VPS41: variants seen among roughly 807,000 people sequenced by gnomAD.
VPS41 encodes VPS41 subunit of HOPS complex.
In VPS41, 85 loss-of-function variants were observed where a neutral mutation model predicts 130.9. The observed-to-expected ratio is 0.65, with a 90% confidence interval of 0.55 to 0.78. The LOEUF (loss-of-function observed/expected upper bound fraction) is 0.78, where lower values mean the gene tolerates loss of function less well. VPS41 is among the 30% of genes least tolerant of loss of function. The pLI is 0.00. For missense variants in VPS41, 874 were observed against 1,018.7 expected, an observed-to-expected ratio of 0.86 and a Z score of 1.93; for synonymous variants, 335 against 332.9, an observed-to-expected ratio of 1.01 and a Z score of -0.07.
intron 23 of VPS41, among the ~76,000 whole-genome samples, chr7:38,744,991 T>C (rs1157386279): frequency 2.0e-5 from 3 of 152,300 alleles, no homozygotes; most frequent in East Asian, 1.9e-4. Flanking sequence ...ACAACCCACA[T>C]TGTTGTCATG....
chr7:38,862,668 T>G, intron 3 of VPS41, 46 bp from the exon 4 acceptor site: 2 of 1,167,274 alleles, frequency 1.7e-6, no homozygotes, highest in African/African-American at 1.5e-5. Context: ...ATAATACTAT[T>G]AATACACAAG....
chr7:38,900,125 C>T (rs992545327), intron 1 of VPS41, among the ~76,000 whole-genome samples: 1 of 152,096 alleles, frequency 6.6e-6, no homozygotes, highest in Non-Finnish European at 1.5e-5. Context: ...GTGGCATGCA[C>T]CTGTAGTCCC....
At chr7:38,761,146 TTC>T (rs1252537210) in intron 17 of VPS41, among the ~76,000 whole-genome samples, 4 of 151,986 alleles carry the variant, frequency 2.6e-5, no homozygotes, top group Non-Finnish European at 4.4e-5. Flanking sequence ...CTTTTCTTCC[TTC>T]TCTGTTTCCC....
chr7:38,789,172 C>G (rs1313629188), intron 10 of VPS41, among the ~76,000 whole-genome samples: 1 of 152,100 alleles, frequency 6.6e-6, no homozygotes, highest in Non-Finnish European at 1.5e-5. Flanking sequence ...AGTATTGTGC[C>G]AGGTCCTCAA....
rs562035640 is a variant in VPS41, at chr7:38,886,297, A to G, written c.60+11794T>C. Among the ~76,000 whole-genome samples, 100 of 152,296 alleles carry G rather than the reference A, an allele frequency of 6.6e-4. 1 individual carries two copies. In the Middle Eastern group the frequency reaches 0.01, roughly 16 times the overall value. On this transcript the variant is annotated intron_variant, in intron 2 of 28. Transcript: ENST00000310301. ...TGGAGGAACGGTATACTCCTGCCCA[A>G]ATACTGTGCTTTTCCCACGGTCTTT...
chr7:38,743,732 C>T (rs553842611), intron 23 of VPS41, among the ~76,000 whole-genome samples, 190 bp from the exon 24 acceptor site: 1 of 152,124 alleles, frequency 6.6e-6, no homozygotes, highest in Non-Finnish European at 1.5e-5. Flanking sequence ...GATATTTACT[C>T]TGTACTGAGT....
intron 3 of VPS41, among the ~76,000 whole-genome samples, chr7:38,864,484 T>C (rs971084718): frequency 3.9e-5 from 6 of 152,238 alleles, no homozygotes; most frequent in Non-Finnish European, 7.3e-5. Context: ...ATCTTGTGTT[T>C]AGGAAAACAT....
At position 38,830,244 on chromosome 7, in the gene VPS41, TTTGCCATACC is replaced by T; in HGVS notation, c.321_321+9del. ...ACAGAACTCTCTGCATGACCACATC[TTTGCCATACC>T]TTGCCATCCTCTGAACACACACCCA... On this transcript the variant is annotated splice_donor_variant and splice_donor_5th_base_variant and coding_sequence_variant and intron_variant, in exon 5 of 29. Coordinates refer to ENST00000310301, the MANE Select transcript of VPS41 (RefSeq NM_014396.4). LOFTEE classifies it high-confidence loss of function. 6.2e-7 allele frequency: 1 copy of T among 1,600,794 alleles called. No individual in the cohort carries two copies. The highest frequency in any genetic ancestry group is 8.6e-7 in the Non-Finnish European group (1 of 1,167,738).
chr7:38,741,734 G>C (rs2115633009), intron 25 of VPS41, among the ~76,000 whole-genome samples: 1 of 152,284 alleles, frequency 6.6e-6, no homozygotes, highest in Admixed American at 6.5e-5. Flanking sequence ...TCAAAAACAA[G>C]TGAAAATTGG....
At chr7:38,774,635 A>C (rs1340560386) in intron 11 of VPS41, among the ~76,000 whole-genome samples, 1 of 152,198 alleles carries the variant, frequency 6.6e-6, no homozygotes, top group Non-Finnish European at 1.5e-5. Flanking sequence ...AAAATAAAAA[A>C]ATATTTTGAA....
chr7:38,833,839 G>C (rs1159423461), intron 4 of VPS41, among the ~76,000 whole-genome samples: 1 of 151,860 alleles, frequency 6.6e-6, no homozygotes, highest in Non-Finnish European at 1.5e-5. Context: ...ACCAGACCAG[G>C]ATAACCTTAT....
At chr7:38,758,149 G>A (rs1182471214) in intron 18 of VPS41, among the ~76,000 whole-genome samples, 1 of 151,970 alleles carries the variant, frequency 6.6e-6, no homozygotes, top group Non-Finnish European at 1.5e-5. Flanking sequence ...CTCTTCTCTG[G>A]GAAACAGATT....
chr7:38,857,942 G>C (rs1470140953), intron 4 of VPS41, among the ~76,000 whole-genome samples: 1 of 152,202 alleles, frequency 6.6e-6, no homozygotes, highest in Admixed American at 6.5e-5. Context: ...TAGATTCAAA[G>C]ATGTTCTGAC....
chr7:38,726,908 C>T lies in VPS41; in HGVS notation c.2484+1G>A, dbSNP rs766803363. 7 of 1,554,338 alleles carry T rather than the reference C, an allele frequency of 4.5e-6. No individual in the cohort carries two copies. The East Asian group carries it at 1.4e-4, about 32-fold the overall frequency. Reference sequence around the variant, plus strand: ...TGATAGGTGCCAAGCTGCCAACTCACCATGCTGGGCATGGGCAGGCACTCC... The same window carrying T: ...TGATAGGTGCCAAGCTGCCAACTCATCATGCTGGGCATGGGCAGGCACTCC... On this transcript the variant is annotated splice_donor_variant, in intron 28 of 28. Coordinates refer to ENST00000310301, the MANE Select transcript of VPS41 (RefSeq NM_014396.4). LOFTEE classifies it high-confidence loss of function.
intron 4 of VPS41, among the ~76,000 whole-genome samples, chr7:38,844,160 G>A (rs1360548654): frequency 1.3e-5 from 2 of 152,158 alleles, no homozygotes; most frequent in Non-Finnish European, 2.9e-5. Flanking sequence ...CCTAATACAA[G>A]AGTGCACAAA....
At position 38,723,137 on chromosome 7, in the gene VPS41, C is replaced by G. The variant is rs1795470417; in HGVS notation, c.*3109G>C. The G allele has an allele frequency of 6.6e-6, 1 of 152,110 alleles. No individual in the cohort carries two copies. Among genetic ancestry groups the G allele is most frequent in the Non-Finnish European group, 1.5e-5 (1 of 68,028 alleles). 9.4% of individuals were successfully genotyped at this position (152,110 alleles called of 1,614,324 possible). On this transcript the variant is annotated 3_prime_UTR_variant, in exon 29 of 29. Coordinates refer to ENST00000310301, the MANE Select transcript of VPS41 (RefSeq NM_014396.4). The stretch of plus-strand genomic sequence containing the variant: ...CTCTGTCGTCTTCATACTGAGTAGG[C>G]TGAGAAGGAGGAGGAAGGGGAGGGC...
In VPS41 at chr7:38,837,310, C is replaced by G. The variant is rs75080270; in HGVS notation, c.247-6982G>C. The stretch of plus-strand genomic sequence containing the variant: ...GTCAGAGTGGTATTAGTCAACCTGG[C>G]AGCTGAGATTAACCACATGAATAAC... On this transcript the variant is annotated intron_variant, in intron 4 of 28. Transcript: ENST00000310301. Among the ~76,000 whole-genome samples the G allele has an allele frequency of 8.7e-3, 1,325 of 152,290 alleles. 25 individuals are homozygous for G. The highest frequency in any genetic ancestry group is 0.029 in the African/African-American group (1,222 of 41,566).
intron 3 of VPS41, among the ~76,000 whole-genome samples, chr7:38,864,007 G>T (rs535980152): frequency 6.6e-6 from 1 of 152,146 alleles, no homozygotes; most frequent in Non-Finnish European, 1.5e-5. Context: ...CAGTGACACT[G>T]ACAATATTTA....
At chr7:38,853,073 A>T (rs559514319) in intron 4 of VPS41, among the ~76,000 whole-genome samples, 58 of 152,294 alleles carry the variant, frequency 3.8e-4, no homozygotes, top group African/African-American at 1.3e-3. Flanking sequence ...ATATACATGA[A>T]GACAAGAAGT....
Sources: allele counts gnomAD v4.1 joint callset (sites outside exome capture counted in the v4.1 genomes callset), GRCh38; gene constraint gnomAD v4.1.1; transcripts MANE v1.5; gene names NCBI Gene and HGNC (gene_info 2026-07-23, HGNC 2026-07-21).